The following ADIPOR2 variants were observed in gnomAD, a reference collection of about 807,000 sequenced individuals.
ADIPOR2 encodes adiponectin receptor 2.
ADIPOR2 carries 18 observed loss-of-function variants against 40.9 expected under a neutral mutation model. That is an observed-to-expected ratio of 0.44 (90% confidence interval 0.30 to 0.65). The LOEUF (loss-of-function observed/expected upper bound fraction) is 0.65, where lower values mean the gene tolerates loss of function less well. Among genes scored for constraint, ADIPOR2 ranks in the 30% least tolerant of loss-of-function variants. The pLI is 0.09. For missense variants in ADIPOR2, 283 were observed against 479.2 expected (o/e 0.59, Z 3.82); for synonymous variants, 165 against 166.4 (o/e 0.99, Z 0.06).
intron 1 of ADIPOR2, among the ~76,000 whole-genome samples, chr12:1,738,507 G>A (rs766564999): frequency 3.3e-5 from 5 of 152,158 alleles, no homozygotes; most frequent in Admixed American, 1.3e-4. Context: ...TCCCCAAGGA[G>A]TTTCTCCTTC....
chr12:1,719,002 T>C (rs758820390), intron 1 of ADIPOR2, among the ~76,000 whole-genome samples: 1 of 152,368 alleles, frequency 6.6e-6, no homozygotes, highest in Admixed American at 6.5e-5. Context: ...CTTTGTGTTA[T>C]GGCAGTTAAG....
Position 1,743,611 on chromosome 12 carries a change from G to T in ADIPOR2, c.-86-10647G>T, listed in dbSNP as rs987241811. Among the ~76,000 whole-genome samples the T allele has an allele frequency of 8.9e-4, 132 of 148,806 alleles. 1 individual carries two copies. The highest frequency in any genetic ancestry group is 3.1e-3 in the African/African-American group (126 of 40,454). On this transcript the variant is annotated intron_variant, in intron 1 of 7. Transcript: ENST00000357103. ...GATTGCTTGGGCACAGAAATTCAAG[G>T]TTACAGTGAGCTGTGATTGTGCCAC...
chr12:1,735,104 T>C (rs2094727709), intron 1 of ADIPOR2, among the ~76,000 whole-genome samples: 1 of 152,190 alleles, frequency 6.6e-6, no homozygotes, highest in Admixed American at 6.5e-5. Flanking sequence ...ATATGAACTT[T>C]AAAGTAGTTT....
At chr12:1,705,066 A>G (rs761222697) in intron 1 of ADIPOR2, among the ~76,000 whole-genome samples, 1 of 152,220 alleles carries the variant, frequency 6.6e-6, no homozygotes, top group African/African-American at 2.4e-5. Context: ...AATATGTGAG[A>G]TGAGATAGAG....
intron 1 of ADIPOR2, among the ~76,000 whole-genome samples, chr12:1,730,249 TAGG>T (rs1381797566): frequency 6.6e-6 from 1 of 151,320 alleles, no homozygotes. Flanking sequence ...AACAAAAACT[TAGG>T]GGGAAAAGTT....
intron 1 of ADIPOR2, among the ~76,000 whole-genome samples, chr12:1,743,240 A>AC (rs961808639): frequency 7.5e-6 from 1 of 132,870 alleles, no homozygotes; most frequent in African/African-American, 2.6e-5. Context: ...AAAAAAAAAA[A>AC]AAAAAACAAA....
chr12:1,751,790 G>A (rs2094769746), intron 1 of ADIPOR2, among the ~76,000 whole-genome samples: 1 of 152,202 alleles, frequency 6.6e-6, no homozygotes, highest in South Asian at 2.1e-4. Context: ...AAAGTGCTGG[G>A]ATTACAGGTG....
intron 7 of ADIPOR2, among the ~76,000 whole-genome samples, chr12:1,784,424 G>C (rs1862788759): frequency 6.6e-6 from 1 of 152,246 alleles, no homozygotes; most frequent in Non-Finnish European, 1.5e-5. Flanking sequence ...TTAAGTGGTA[G>C]AACAGGAATT....
chr12:1,695,663 CAAAAAAA>C (rs34987467), intron 1 of ADIPOR2, among the ~76,000 whole-genome samples: 2 of 109,100 alleles, frequency 1.8e-5, no homozygotes, highest in South Asian at 6.7e-4. Flanking sequence ...AACTCCATCT[CAAAAAAA>C]AAAAAAAAAA....
At chr12:1,762,089 C>T (rs534974201) in intron 2 of ADIPOR2, among the ~76,000 whole-genome samples, 1 of 152,184 alleles carries the variant, frequency 6.6e-6, no homozygotes, top group African/African-American at 2.4e-5. Flanking sequence ...TGGGCTCTTT[C>T]CAGCTTCAGA....
At chr12:1,747,323 A>G (rs2094757727) in intron 1 of ADIPOR2, among the ~76,000 whole-genome samples, 1 of 152,240 alleles carries the variant, frequency 6.6e-6, no homozygotes, top group African/African-American at 2.4e-5. Flanking sequence ...AAATTCACAA[A>G]TATGTGGAAA....
intron 1 of ADIPOR2, among the ~76,000 whole-genome samples, chr12:1,741,538 G>A (rs1485977030): frequency 6.6e-6 from 1 of 152,066 alleles, no homozygotes; most frequent in Non-Finnish European, 1.5e-5. Context: ...GATGATTGCT[G>A]CAGCAGCAAG....
intron 1 of ADIPOR2, among the ~76,000 whole-genome samples, chr12:1,743,985 T>C (rs2094749263): frequency 6.6e-6 from 1 of 152,230 alleles, no homozygotes; most frequent in African/African-American, 2.4e-5. Flanking sequence ...CCACTGATCA[T>C]GTTTAGCTCA....
chr12:1,739,167 A>G (rs769312371), intron 1 of ADIPOR2, among the ~76,000 whole-genome samples: 4 of 152,260 alleles, frequency 2.6e-5, no homozygotes, highest in African/African-American at 4.8e-5. Flanking sequence ...CATCAGGAAC[A>G]TTACTTAGCT....
intron 1 of ADIPOR2, among the ~76,000 whole-genome samples, chr12:1,716,690 A>G (rs1408595508): frequency 6.6e-6 from 1 of 152,232 alleles, no homozygotes; most frequent in Non-Finnish European, 1.5e-5. Flanking sequence ...CAAATACAGT[A>G]CTGCACCTGA....
chr12:1,710,389 C>G (rs548353082), intron 1 of ADIPOR2, among the ~76,000 whole-genome samples: 1 of 152,192 alleles, frequency 6.6e-6, no homozygotes, highest in South Asian at 2.1e-4. Context: ...TTGAAGTTAG[C>G]GAGACCACGA....
At chr12:1,711,183 A>G (rs1381380287) in intron 1 of ADIPOR2, among the ~76,000 whole-genome samples, 2 of 152,172 alleles carry the variant, frequency 1.3e-5, no homozygotes, top group Non-Finnish European at 2.9e-5. Context: ...CACTGCTGCC[A>G]AAGAGTCTAT....
intron 3 of ADIPOR2, among the ~76,000 whole-genome samples, chr12:1,775,507 ACT>A (rs1862572140): frequency 6.6e-6 from 1 of 152,082 alleles, no homozygotes; most frequent in Admixed American, 6.5e-5. Flanking sequence ...CCAATAAGAA[ACT>A]CACATATTCT....
chr12:1,704,021 T>G (rs2094656509), intron 1 of ADIPOR2, among the ~76,000 whole-genome samples: 1 of 148,972 alleles, frequency 6.7e-6, no homozygotes, highest in South Asian at 2.1e-4. Flanking sequence ...ACCAGTTTTT[T>G]TTTTTTTTTT....
Sources: allele counts gnomAD v4.1 joint callset (sites outside exome capture counted in the v4.1 genomes callset), GRCh38; gene constraint gnomAD v4.1.1; transcripts MANE v1.5; gene names NCBI Gene and HGNC (gene_info 2026-07-23, HGNC 2026-07-21).